The following HTR4 variants were observed in gnomAD, a reference collection of about 807,000 sequenced individuals.
HTR4 encodes 5-hydroxytryptamine (serotonin) receptor 4, G protein-coupled.
Under a neutral mutation model 36.8 loss-of-function variants are expected in HTR4, and 16 were observed. The ratio of observed to expected loss-of-function variants is 0.43; its 90% CI spans 0.29 to 0.66. The LOEUF is 0.66. Among genes scored for constraint, HTR4 ranks in the 30% least tolerant of loss-of-function variants. HTR4 has a pLI of 0.13. For synonymous variants in HTR4, 189 were observed against 185.1 expected (o/e 1.02, Z -0.17); for missense variants, 438 against 490.9 (o/e 0.89, Z 1.02).
chr5:148,634,948 T>C (rs1285160786), intron 2 of HTR4, among the ~76,000 whole-genome samples: 1 of 152,190 alleles, frequency 6.6e-6, no homozygotes, highest in Admixed American at 6.6e-5. Context: ...ATAAAATTTC[T>C]TCTTGCTAAT....
intron 2 of HTR4, among the ~76,000 whole-genome samples, chr5:148,620,300 G>A (rs1752869032): frequency 6.6e-6 from 1 of 152,360 alleles, no homozygotes; most frequent in East Asian, 1.9e-4. Context: ...GAAAAGGAAG[G>A]TGAAGTCATA....
At chr5:148,527,523 C>A (rs1390241475) in intron 4 of HTR4, among the ~76,000 whole-genome samples, 2 of 152,154 alleles carry the variant, frequency 1.3e-5, no homozygotes, top group Admixed American at 1.3e-4. Context: ...CTAGGAGCTG[C>A]TGCTATATAG....
chr5:148,593,079 A>T (rs1581520166), intron 2 of HTR4, among the ~76,000 whole-genome samples: 1 of 152,300 alleles, frequency 6.6e-6, no homozygotes, highest in South Asian at 2.1e-4. Flanking sequence ...CTGGTATGCA[A>T]TCTGAAGTAC....
At chr5:148,468,409 C>A (rs1415804936) in intron 5 of HTR4, among the ~76,000 whole-genome samples, 1 of 152,108 alleles carries the variant, frequency 6.6e-6, no homozygotes, top group African/African-American at 2.4e-5. Flanking sequence ...TTAAAATGGT[C>A]TTATTTACAA....
intron 4 of HTR4, among the ~76,000 whole-genome samples, chr5:148,533,295 A>G (rs1054118311): frequency 6.6e-6 from 1 of 152,228 alleles, no homozygotes; most frequent in Non-Finnish European, 1.5e-5. Context: ...AACTAAAATG[A>G]AGCAAGGATA....
At chr5:148,537,037 A>G (rs908784201) in intron 4 of HTR4, among the ~76,000 whole-genome samples, 3 of 152,146 alleles carry the variant, frequency 2.0e-5, no homozygotes, top group Admixed American at 6.5e-5. Flanking sequence ...TATCAAACAC[A>G]CTTTCAGACC....
intron 2 of HTR4, among the ~76,000 whole-genome samples, chr5:148,614,151 T>G (rs1413989384): frequency 4.6e-5 from 7 of 152,144 alleles, no homozygotes; most frequent in Non-Finnish European, 1.0e-4. Flanking sequence ...AAGCTACCAA[T>G]GCCTTTCTTC....
intron 2 of HTR4, among the ~76,000 whole-genome samples, chr5:148,595,314 G>T (rs1025586445): frequency 6.6e-6 from 1 of 151,974 alleles, no homozygotes; most frequent in Non-Finnish European, 1.5e-5. Flanking sequence ...GCACCACCAC[G>T]ACCAATGGAC....
At chr5:148,459,122 T>C (rs183836579) in intron 5 of HTR4, among the ~76,000 whole-genome samples, 1 of 152,236 alleles carries the variant, frequency 6.6e-6, no homozygotes, top group Admixed American at 6.5e-5. Flanking sequence ...TGCTGATGCA[T>C]TGACTGTAGG....
At chr5:148,574,724 C>T (rs528512414) in intron 2 of HTR4, among the ~76,000 whole-genome samples, 1 of 152,198 alleles carries the variant, frequency 6.6e-6, no homozygotes, top group South Asian at 2.1e-4. Flanking sequence ...GACAGAACGT[C>T]GGGCTTGAGG....
intron 6 of HTR4, among the ~76,000 whole-genome samples, chr5:148,494,310 T>C (rs1275921506): frequency 6.6e-6 from 1 of 152,194 alleles, no homozygotes; most frequent in African/African-American, 2.4e-5. Flanking sequence ...CCTGCCCTCA[T>C]AGACTGGCAG....
intron 5 of HTR4, among the ~76,000 whole-genome samples, chr5:148,454,474 G>T (rs1755049436): frequency 6.6e-6 from 1 of 152,102 alleles, no homozygotes; most frequent in Admixed American, 6.6e-5. Context: ...AGTATGTAAT[G>T]ATAATGATGA....
intron 5 of HTR4, among the ~76,000 whole-genome samples, chr5:148,516,537 C>G (rs1236466102): frequency 2.0e-5 from 3 of 151,756 alleles, no homozygotes; most frequent in African/African-American, 7.3e-5. Context: ...CCAGGCTGGT[C>G]TTGAACTCCT....
chr5:148,593,470 T>A (rs1033583509), intron 2 of HTR4, among the ~76,000 whole-genome samples: 1 of 152,188 alleles, frequency 6.6e-6, no homozygotes, highest in African/African-American at 2.4e-5. Context: ...TAATGTCTCA[T>A]ATTTTCTTAC....
intron 2 of HTR4, among the ~76,000 whole-genome samples, chr5:148,588,808 G>C (rs1761449232): frequency 1.3e-5 from 2 of 151,318 alleles, no homozygotes; most frequent in South Asian, 4.2e-4. Context: ...CCAAAGTGCT[G>C]GGATTACAGG....
chr5:148,646,710 G>A (rs1413702809), intron 1 of HTR4, among the ~76,000 whole-genome samples: 2 of 152,106 alleles, frequency 1.3e-5, no homozygotes, highest in Non-Finnish European at 2.9e-5. Flanking sequence ...GAAAGCAATG[G>A]CACATTTTTA....
rs1196503520 is a variant in HTR4 at position 148,611,424 on chromosome 5, A to G, written c.26+25565T>C. Among the ~76,000 whole-genome samples the G allele has an allele frequency of 9.0e-5, 13 of 145,184 alleles. No individual in the cohort carries two copies. The East Asian group carries it at 2.7e-3, about 30-fold the overall frequency. On this transcript the variant is annotated intron_variant, in intron 2 of 6. Coordinates refer to ENST00000377888, the MANE Select transcript of HTR4 (RefSeq NM_000870.7). ...AACCCAGAATTTCATATCCAGCCAA[A>G]CTAAGCTTCATAAGTGAAGGAGAAA...
intron 5 of HTR4, among the ~76,000 whole-genome samples, chr5:148,455,675 T>C (rs774267235): frequency 6.6e-6 from 1 of 152,194 alleles, no homozygotes; most frequent in African/African-American, 2.4e-5. Flanking sequence ...TGATCCCCTG[T>C]GCAGTTGAAA....
intron 6 of HTR4, among the ~76,000 whole-genome samples, chr5:148,498,607 G>A (rs767429265): frequency 6.6e-6 from 1 of 152,090 alleles, no homozygotes; most frequent in East Asian, 1.9e-4. Flanking sequence ...ATAAGGAATT[G>A]TATACTCTAA....
Sources: allele counts gnomAD v4.1 joint callset (sites outside exome capture counted in the v4.1 genomes callset), GRCh38; gene constraint gnomAD v4.1.1; transcripts MANE v1.5; gene names NCBI Gene and HGNC (gene_info 2026-07-23, HGNC 2026-07-21).